LEKR1: variants seen among roughly 807,000 people sequenced by gnomAD.
LEKR1 encodes the protein protein LEKR1.
A neutral mutation model predicts 72.4 loss-of-function variants in LEKR1; 59 were observed. The observed-to-expected ratio is 0.82, with a 90% confidence interval of 0.66 to 1.01. The LOEUF (loss-of-function observed/expected upper bound fraction) is 1.01. LEKR1 is among the 50% of genes least tolerant of loss of function. The pLI is 0.00. For missense variants in LEKR1, 728 were observed against 759.2 expected (o/e 0.96, Z 0.48); for synonymous variants, 257 against 263.2 (o/e 0.98, Z 0.23).
chr3:156,970,323 C>T (rs911469835), intron 6 of LEKR1, among the ~76,000 whole-genome samples: 3 of 151,588 alleles, frequency 2.0e-5, no homozygotes, highest in Non-Finnish European at 4.4e-5. Flanking sequence ...GAAAAGAGCT[C>T]TTTAGTTTAA....
chr3:156,933,955 G>T (rs1035691867), intron 5 of LEKR1, among the ~76,000 whole-genome samples: 8 of 152,122 alleles, frequency 5.3e-5, no homozygotes, highest in Non-Finnish European at 8.8e-5. Flanking sequence ...TGAAAAGAGG[G>T]AGGCCCTTCA....
At chr3:156,901,753 C>A (rs552238464) in intron 3 of LEKR1, among the ~76,000 whole-genome samples, 2 of 152,290 alleles carry the variant, frequency 1.3e-5, no homozygotes, top group South Asian at 4.2e-4. Context: ...GTGACGTGGT[C>A]TCAGCTCACT....
At chr3:156,999,661 A>C (rs1481824269) in intron 9 of LEKR1, among the ~76,000 whole-genome samples, 1 of 152,188 alleles carries the variant, frequency 6.6e-6, no homozygotes, top group African/African-American at 2.4e-5. Context: ...TAAGTTTGCC[A>C]TCTCTCCTTA....
At chr3:156,941,557 C>T (rs1303227134) in intron 5 of LEKR1, among the ~76,000 whole-genome samples, 5 of 152,048 alleles carry the variant, frequency 3.3e-5, no homozygotes, top group Admixed American at 6.6e-5. Flanking sequence ...GAGCAATAAA[C>T]GAAACCAACC....
At chr3:156,896,958 A>C (rs114163428) in intron 3 of LEKR1, among the ~76,000 whole-genome samples, 1,574 of 152,340 alleles carry the variant, frequency 0.01, 11 homozygotes, top group Non-Finnish European at 0.017. Context: ...CAGAAAGCTA[A>C]GTACCACATG....
chr3:157,003,824 T>C (rs992308603), intron 9 of LEKR1, among the ~76,000 whole-genome samples: 2 of 150,966 alleles, frequency 1.3e-5, no homozygotes, highest in African/African-American at 4.9e-5. Flanking sequence ...ACCACTAAAA[T>C]AAAACTAAAC....
In LEKR1 at chr3:156,942,527, A is replaced by G. The variant is rs1475546384; in HGVS notation, c.560-2A>G. ...TTTGTAAACTTTGAATTCTTCTTAC[A>G]GAAATAGACATACTGAATAAAAGTT... On this transcript the variant is annotated splice_acceptor_variant, in intron 5 of 12. Coordinates refer to ENST00000356539, the MANE Select transcript of LEKR1 (RefSeq NM_001004316.3). LOFTEE classifies it high-confidence loss of function. 14 of 1,099,134 alleles carry G rather than the reference A, an allele frequency of 1.3e-5. No homozygotes were observed. Among genetic ancestry groups the G allele is most frequent in the Non-Finnish European group, 1.7e-5 (14 of 846,380 alleles). 68.1% of individuals were successfully genotyped at this position (1,099,134 alleles called of 1,614,324 possible).
intron 10 of LEKR1, among the ~76,000 whole-genome samples, chr3:157,019,650 A>G (rs1733653464): frequency 6.6e-6 from 1 of 152,194 alleles, no homozygotes; most frequent in African/African-American, 2.4e-5. Context: ...CTTTATATGT[A>G]CACCATCAAC....
chr3:156,902,393 A>T (rs890397776), intron 3 of LEKR1, among the ~76,000 whole-genome samples: 3 of 152,184 alleles, frequency 2.0e-5, no homozygotes, highest in Admixed American at 2.0e-4. Flanking sequence ...TTTAAAGTAT[A>T]TTTCAGTGAG....
At chr3:156,830,680 AAAAAC>A (rs1712261335) in intron 2 of LEKR1, among the ~76,000 whole-genome samples, 1 of 152,216 alleles carries the variant, frequency 6.6e-6, no homozygotes, top group Admixed American at 6.5e-5. Context: ...TGATTCAAGA[AAAAAC>A]AAAGTCATTC....
chr3:156,958,345 T>C (rs773545014), intron 6 of LEKR1, among the ~76,000 whole-genome samples: 11 of 152,310 alleles, frequency 7.2e-5, no homozygotes, highest in Admixed American at 3.3e-4. Flanking sequence ...CAAAAGTATT[T>C]ACAGTGGTTT....
At chr3:156,952,888 G>C (rs1727292203) in intron 6 of LEKR1, among the ~76,000 whole-genome samples, 1 of 151,452 alleles carries the variant, frequency 6.6e-6, no homozygotes, top group Admixed American at 6.6e-5. Flanking sequence ...GAGAGAGAAA[G>C]AGAGAGACAG....
intron 3 of LEKR1, among the ~76,000 whole-genome samples, chr3:156,858,728 T>C (rs1318880768): frequency 6.6e-6 from 1 of 152,118 alleles, no homozygotes; most frequent in Non-Finnish European, 1.5e-5. Flanking sequence ...TTTAGTTTTC[T>C]TTCTACTTAC....
At chr3:157,005,799 G>A (rs1204387531) in intron 9 of LEKR1, among the ~76,000 whole-genome samples, 1 of 151,982 alleles carries the variant, frequency 6.6e-6, no homozygotes, top group Non-Finnish European at 1.5e-5. Flanking sequence ...TATAATAAAG[G>A]AGTTTTTCTA....
intron 3 of LEKR1, chr3:156,888,373 C>T (rs763832051): frequency 1.1e-5 from 8 of 702,210 alleles, no homozygotes; most frequent in Non-Finnish European, 2.1e-5. Flanking sequence ...AGATCTACAA[C>T]ATTCTGTCAC....
At chr3:156,919,432 C>T (rs1038028691) in intron 3 of LEKR1, among the ~76,000 whole-genome samples, 2 of 152,190 alleles carry the variant, frequency 1.3e-5, no homozygotes, top group African/African-American at 4.8e-5. Flanking sequence ...CCATTAAAAA[C>T]CAACTAGGTG....
intron 3 of LEKR1, among the ~76,000 whole-genome samples, chr3:156,875,473 G>A (rs977383032): frequency 6.6e-6 from 1 of 152,092 alleles, no homozygotes; most frequent in Non-Finnish European, 1.5e-5. Flanking sequence ...CATTCTGTGG[G>A]CGGTCTGTTT....
chr3:156,832,380 GT>G (rs1560010231), intron 2 of LEKR1, among the ~76,000 whole-genome samples: 1 of 152,152 alleles, frequency 6.6e-6, no homozygotes, highest in African/African-American at 2.4e-5. Flanking sequence ...TTGTACTATA[GT>G]TTTTTTCTGA....
chr3:156,972,536 G>T (rs949436333), intron 6 of LEKR1, among the ~76,000 whole-genome samples: 1 of 151,632 alleles, frequency 6.6e-6, no homozygotes, highest in African/African-American at 2.4e-5. Context: ...ACAGATTTTA[G>T]TTTAAATGAG....
Sources: allele counts gnomAD v4.1 joint callset (sites outside exome capture counted in the v4.1 genomes callset), GRCh38; gene constraint gnomAD v4.1.1; transcripts MANE v1.5; gene names NCBI Gene and HGNC (gene_info 2026-07-23, HGNC 2026-07-21).